RASGRP3: variants seen among roughly 807,000 people sequenced by gnomAD.
The protein encoded by RASGRP3 is RAS guanyl releasing protein 3, also known as ras guanyl-releasing protein 3.
Under a neutral mutation model 82.7 loss-of-function variants are expected in RASGRP3, and 54 were observed. The ratio of observed to expected loss-of-function variants is 0.65; its 90% CI spans 0.52 to 0.82. The LOEUF (loss-of-function observed/expected upper bound fraction) is 0.82. RASGRP3 is among the 40% of genes least tolerant of loss of function. The pLI is 0.00. For missense variants in RASGRP3, 861 were observed against 828.9 expected, an observed-to-expected ratio of 1.04 and a Z score of -0.48; for synonymous variants, 309 against 300.5, an observed-to-expected ratio of 1.03 and a Z score of -0.29.
chr2:33,496,065 G>A (rs1214648581), intron 1 of RASGRP3, among the ~76,000 whole-genome samples: 1 of 152,180 alleles, frequency 6.6e-6, no homozygotes, highest in Non-Finnish European at 1.5e-5. Context: ...CTTTGTAAGA[G>A]CCAATCCTGT....
chr2:33,505,178 C>T (rs572015413), intron 1 of RASGRP3, among the ~76,000 whole-genome samples: 1 of 152,106 alleles, frequency 6.6e-6, no homozygotes, highest in Admixed American at 6.5e-5. Flanking sequence ...CCACCACCAC[C>T]ATTATTATCA....
intron 1 of RASGRP3, among the ~76,000 whole-genome samples, chr2:33,494,957 T>G (rs1574336161): frequency 6.6e-6 from 1 of 152,368 alleles, no homozygotes; most frequent in South Asian, 2.1e-4. Flanking sequence ...ATTTACTTTC[T>G]TGTTCAGGCA....
chr2:33,477,955 C>G (rs917534922), intron 1 of RASGRP3, among the ~76,000 whole-genome samples: 5 of 152,146 alleles, frequency 3.3e-5, no homozygotes, highest in African/African-American at 1.2e-4. Flanking sequence ...CCTCGTGTGA[C>G]AAATGGATTC....
intron 13 of RASGRP3, among the ~76,000 whole-genome samples, chr2:33,547,342 C>CTTTTT (rs59601670): frequency 0.015 from 1,026 of 68,176 alleles, 153 homozygotes; most frequent in African/African-American, 0.018. Context: ...ATATAGAATC[C>CTTTTT]TTTTTTTTTT....
intron 1 of RASGRP3, among the ~76,000 whole-genome samples, chr2:33,504,705 C>G (rs1460158164): frequency 6.6e-6 from 1 of 152,244 alleles, no homozygotes; most frequent in Non-Finnish European, 1.5e-5. Flanking sequence ...GCTGTGCCTT[C>G]TGTTCACATT....
intron 4 of RASGRP3, among the ~76,000 whole-genome samples, chr2:33,518,996 CA>C (rs1218962921): frequency 6.6e-6 from 1 of 152,170 alleles, no homozygotes; most frequent in Non-Finnish European, 1.5e-5. Context: ...AAAATTACAA[CA>C]AAAATAATAT....
At chr2:33,453,124 T>C (rs1665881484) in intron 2 of RASGRP3, among the ~76,000 whole-genome samples, 1 of 152,206 alleles carries the variant, frequency 6.6e-6, no homozygotes, top group Non-Finnish European at 1.5e-5. Context: ...CTTATTTCTG[T>C]ACTGGGGTAG....
At chr2:33,443,431 C>A (rs976326063) in intron 1 of RASGRP3, among the ~76,000 whole-genome samples, 1 of 152,080 alleles carries the variant, frequency 6.6e-6, no homozygotes, top group Non-Finnish European at 1.5e-5. Flanking sequence ...CTGGGTATTA[C>A]TAGAATTCTT....
intron 1 of RASGRP3, among the ~76,000 whole-genome samples, chr2:33,508,431 G>C (rs146912306): frequency 6.6e-6 from 1 of 152,208 alleles, no homozygotes; most frequent in Non-Finnish European, 1.5e-5. Flanking sequence ...GAGGACAAGA[G>C]TAAGGGATCC....
chr2:33,546,371 C>T (rs894643510), intron 13 of RASGRP3, among the ~76,000 whole-genome samples: 5 of 147,518 alleles, frequency 3.4e-5, no homozygotes, highest in Non-Finnish European at 7.4e-5. Context: ...TGCAGTGAGC[C>T]AAGATCGCAC....
chr2:33,439,324 G>A (rs748261525), intron 1 of RASGRP3, among the ~76,000 whole-genome samples: 25 of 152,144 alleles, frequency 1.6e-4, no homozygotes, highest in Non-Finnish European at 3.1e-4. Flanking sequence ...TGATCCAGAC[G>A]GGCTTCATGG....
intron 2 of RASGRP3, among the ~76,000 whole-genome samples, chr2:33,457,061 G>C (rs1666081484): frequency 6.6e-6 from 1 of 151,702 alleles, no homozygotes; most frequent in Admixed American, 6.6e-5. Flanking sequence ...GATAGAGATG[G>C]GGTTTCCTTA....
At chr2:33,558,651 A>T in intron 16 of RASGRP3, 21 bp from the exon 17 acceptor site, 1 of 1,559,566 alleles carries the variant, frequency 6.4e-7, no homozygotes, top group South Asian at 1.2e-5. Flanking sequence ...TCAAATAATC[A>T]CCACCCTTTT....
At chr2:33,488,250 A>G (rs999618757) in intron 1 of RASGRP3, among the ~76,000 whole-genome samples, 1 of 152,224 alleles carries the variant, frequency 6.6e-6, no homozygotes, top group Admixed American at 6.5e-5. Flanking sequence ...AATAAGTGTT[A>G]ATTGAATTTG....
At chr2:33,501,563 C>T (rs771001268) in intron 1 of RASGRP3, among the ~76,000 whole-genome samples, 1 of 152,190 alleles carries the variant, frequency 6.6e-6, no homozygotes, top group Non-Finnish European at 1.5e-5. Context: ...TTAAGTAAAA[C>T]TTGTCCAAAG....
At position 33,527,165 on chromosome 2, in the gene RASGRP3, C is replaced by T. The variant is rs1269838430; in HGVS notation, c.836C>T (p.Ser279Phe). ...TGGAATGAAATGACAGAGTTGGTCTCCTCCAACGGCAATTACTGCAATTAC... is the reference window on the plus strand; with the variant it reads ...TGGAATGAAATGACAGAGTTGGTCTTCTCCAACGGCAATTACTGCAATTAC... ...KNWNEMTELV[S>F]SNGNYCNYRK... The change falls in exon 10 of 18, where the codon TCC (serine) becomes TTC (phenylalanine). Residue 279 changes from serine to phenylalanine, a missense_variant. Transcript: ENST00000403687. 1 of 1,614,034 alleles carries T rather than the reference C, an allele frequency of 6.2e-7. No individual in the cohort carries two copies. The highest frequency in any genetic ancestry group is 2.2e-5 in the East Asian group (1 of 44,888).
intron 1 of RASGRP3, among the ~76,000 whole-genome samples, chr2:33,501,765 A>G (rs1669896996): frequency 6.6e-6 from 1 of 152,212 alleles, no homozygotes; most frequent in South Asian, 2.1e-4. Flanking sequence ...GGCAGTTTAG[A>G]GGCCAGCAGT....
At chr2:33,487,602 C>A (rs78491523) in intron 1 of RASGRP3, among the ~76,000 whole-genome samples, 1,533 of 152,170 alleles carry the variant, frequency 0.01, 30 homozygotes, top group African/African-American at 0.035. Context: ...GGAAACAAAT[C>A]AAAAAATATC....
At position 33,540,756 on chromosome 2, in the gene RASGRP3, TTC is replaced by T. The variant is rs1207107697; in HGVS notation, c.1278+1548_1278+1549del. On this transcript the variant is annotated intron_variant, in intron 12 of 17. Transcript: ENST00000403687. ...GATGAATTTTACTCCGCAAAAAATC[TTC>T]TACTCGTGGTATAAATATGGATGTT... 9.6e-5 allele frequency among the ~76,000 whole-genome samples: 14 copies of T among 145,820 alleles called. 1 individual carries two copies. Among genetic ancestry groups the T allele is most frequent in the Admixed American group, 8.5e-4 (12 of 14,076 alleles).
Sources: gnomAD v4.1 joint callset for allele counts (sites outside exome capture counted in the v4.1 genomes callset) on GRCh38, gnomAD v4.1.1 for gene constraint, MANE v1.5 for transcripts, NCBI Gene and HGNC (gene_info 2026-07-23, HGNC 2026-07-21) for gene names.